The following SRRM3 variants were observed in gnomAD, a reference collection of about 807,000 sequenced individuals.
SRRM3 encodes serine/arginine repetitive matrix 3, also known as serine/arginine repetitive matrix protein 3.
A neutral mutation model predicts 66.2 loss-of-function variants in SRRM3; 27 were observed. That is an observed-to-expected ratio of 0.41 (90% CI 0.30 to 0.56). SRRM3 has a LOEUF of 0.56. Ranked by LOEUF, SRRM3 falls within the 20% of genes least tolerant of loss-of-function variation. The probability of loss-of-function intolerance (pLI) is 0.32; values close to 1 mark genes in which losing one functional copy is unlikely to be tolerated. For missense variants in SRRM3, 918 were observed against 991.9 expected, an observed-to-expected ratio of 0.93 and a Z score of 1.00; for synonymous variants, 391 against 414.9, an observed-to-expected ratio of 0.94 and a Z score of 0.70.
rs782067233 is a variant in SRRM3, at chr7:76,283,121, G to A, written c.1733+20G>A. The A allele has an allele frequency of 6.4e-6, 9 of 1,407,814 alleles. No homozygotes were observed. The highest frequency in any genetic ancestry group is 8.3e-6 in the Non-Finnish European group (9 of 1,084,516). The allele number at this position is 1,407,814 out of a possible 1,614,324, so 87.2% of individuals were successfully genotyped here. The stretch of plus-strand genomic sequence containing the variant: ...CACCAGGTATGGAGGGTCTTGGGGG[G>A]GCCGGTGGCGCAGGGCTGGGGCCGC... On this transcript the variant is annotated intron_variant, in intron 14 of 14. Coordinates refer to ENST00000611745, the MANE Select transcript of SRRM3 (RefSeq NM_001110199.3).
chr7:76,225,942 G>C (rs1800854604), intron 1 of SRRM3, among the ~76,000 whole-genome samples: 1 of 152,122 alleles, frequency 6.6e-6, no homozygotes. Context: ...TCACTCTCCT[G>C]TCTCCCTCTC....
chr7:76,217,190 G>A (rs187576310), intron 1 of SRRM3, among the ~76,000 whole-genome samples: 20 of 152,302 alleles, frequency 1.3e-4, no homozygotes, highest in Admixed American at 1.3e-3. Context: ...GGGACTCAGA[G>A]CCCAGCTCCC....
chr7:76,236,005 CAAAAAA>C (rs1161706465), intron 2 of SRRM3, among the ~76,000 whole-genome samples: 40 of 20,268 alleles, frequency 2.0e-3, no homozygotes, highest in African/African-American at 5.6e-3. Flanking sequence ...GATTCTGTCT[CAAAAAA>C]AAAAAAAAAA....
chr7:76,211,816 C>T (rs1041132653), intron 1 of SRRM3, among the ~76,000 whole-genome samples: 66 of 140,648 alleles, frequency 4.7e-4, no homozygotes, highest in Middle Eastern at 7.2e-3. Context: ...ACTATTACTA[C>T]TATTATTATT....
In SRRM3 at chr7:76,255,054, T is replaced by C. The variant is rs1801674311; in HGVS notation, c.336-4852T>C. ...TTGGGAATCGGGACTTGTTTGGGAA[T>C]TGAATGAAGTTCTTGAGAATGGCCT... is the stretch of plus-strand genomic sequence containing the variant. On this transcript the variant is annotated intron_variant, in intron 3 of 14. Transcript: ENST00000611745. Among the ~76,000 whole-genome samples, 3 of 152,076 alleles carry C rather than the reference T, an allele frequency of 2.0e-5. 1 individual carries two copies. The highest frequency in any genetic ancestry group is 4.1e-4 in the South Asian group (2 of 4,828).
rs1243393227 is a variant in SRRM3 at position 76,263,875 on chromosome 7, G to GCCAAAAAAAAAAAAA, written c.675-890_675-889insCCAAAAAAAAAAAAA. On this transcript the variant is annotated intron_variant, in intron 8 of 14. Transcript: ENST00000611745. ...GCAACAGAGCGGGACTCTGTCTCAA[G>GCCAAAAAAAAAAAAA]ACAAAAAAAAAAAAAAAAAAAAAAA... Among the ~76,000 whole-genome samples, 49 of 26,752 alleles carry GCCAAAAAAAAAAAAA rather than the reference G, an allele frequency of 1.8e-3. 5 individuals carry two copies. The highest frequency in any genetic ancestry group is 2.3e-3 in the Non-Finnish European group (34 of 14,530). 17.6% of individuals were successfully genotyped at this position (26,752 alleles called of 152,430 possible).
At chr7:76,244,068 C>T (rs1801376257) in intron 2 of SRRM3, among the ~76,000 whole-genome samples, 1 of 152,158 alleles carries the variant, frequency 6.6e-6, no homozygotes, top group Non-Finnish European at 1.5e-5. Flanking sequence ...AGGTTGGTGG[C>T]AGCAGTGCAG....
At chr7:76,249,438 G>A (rs1801519843) in intron 3 of SRRM3, among the ~76,000 whole-genome samples, 1 of 152,162 alleles carries the variant, frequency 6.6e-6, no homozygotes, top group South Asian at 2.1e-4. Flanking sequence ...GCCTGTCACA[G>A]GATAGGAGGC....
At chr7:76,254,607 C>T (rs1333080307) in intron 3 of SRRM3, among the ~76,000 whole-genome samples, 4 of 152,174 alleles carry the variant, frequency 2.6e-5, no homozygotes, top group African/African-American at 7.2e-5. Flanking sequence ...CACGAGCCAC[C>T]GCACCCAGCC....
intron 11 of SRRM3, among the ~76,000 whole-genome samples, chr7:76,278,003 A>C (rs1453334131): frequency 6.6e-6 from 1 of 152,234 alleles, no homozygotes; most frequent in Non-Finnish European, 1.5e-5. Context: ...CCCAGGGTAT[A>C]GGACAGAAAC....
rs1554612229 is a variant in SRRM3, at chr7:76,283,016, G to A, written c.1648G>A (p.Ala550Thr). The A allele has an allele frequency of 6.8e-7, 1 of 1,471,806 alleles. No homozygotes were observed. 91.2% of individuals were successfully genotyped at this position (1,471,806 alleles called of 1,614,324 possible). Residue 550 changes from alanine to threonine, a missense_variant, in exon 14 of 15, where the codon GCC becomes ACC. Physicochemically the swap from Ala to Thr is moderately conservative, Grantham distance 58 (BLOSUM62 0). Coordinates refer to ENST00000611745, the MANE Select transcript of SRRM3 (RefSeq NM_001110199.3). ...GCACTCTGAGGCCGAGGCCACCCGC[G>A]CCCGGCGCCGCTCCCGCAGCTACTC... Reference protein sequence around the residue: ...ARHSEAEATRARRRSRSYSPI... With the variant: ...ARHSEAEATRTRRRSRSYSPI...
chr7:76,274,042 G>A (rs1802276503), intron 11 of SRRM3, among the ~76,000 whole-genome samples: 1 of 152,244 alleles, frequency 6.6e-6, no homozygotes, highest in South Asian at 2.1e-4. Context: ...TCTGTTGTCT[G>A]GAGTAGCTGC....
chr7:76,283,217 A>AG (rs1802575821), intron 14 of SRRM3, 116 bp downstream of exon 14: 12 of 620,210 alleles, frequency 1.9e-5, no homozygotes, highest in South Asian at 8.8e-5. Flanking sequence ...TGGCACGGGG[A>AG]TGGGGGGGGG....
In SRRM3 at chr7:76,260,855, T is replaced by G; in HGVS notation, c.546-19T>G. 1 of 1,556,718 alleles carries G rather than the reference T, an allele frequency of 6.4e-7. No homozygotes were observed. Among genetic ancestry groups the G allele is most frequent in the Non-Finnish European group, 8.7e-7 (1 of 1,149,636 alleles). ...CCCCATCCATCCGTCTGTCCTTTCTTCCTGGCATCTGCCCTCAGCAAAAAG... is the reference window on the plus strand; with the variant it reads ...CCCCATCCATCCGTCTGTCCTTTCTGCCTGGCATCTGCCCTCAGCAAAAAG... On this transcript the variant is annotated intron_variant, in intron 5 of 14. Transcript: ENST00000611745.
intron 1 of SRRM3, among the ~76,000 whole-genome samples, chr7:76,231,862 A>C (rs1801024209): frequency 6.6e-6 from 1 of 152,186 alleles, no homozygotes; most frequent in African/African-American, 2.4e-5. Flanking sequence ...GAAGTTCCCT[A>C]GGTGAAGAAA....
At chr7:76,242,692 G>A (rs1038286242) in intron 2 of SRRM3, among the ~76,000 whole-genome samples, 1 of 152,112 alleles carries the variant, frequency 6.6e-6, no homozygotes, top group African/African-American at 2.4e-5. Context: ...AGTCCCATCT[G>A]GGGTGATGGG....
At chr7:76,260,671 G>A (rs1402054736) in intron 5 of SRRM3, among the ~76,000 whole-genome samples, 2 of 151,674 alleles carry the variant, frequency 1.3e-5, no homozygotes, top group African/African-American at 4.8e-5. Flanking sequence ...ACCAGCACCT[G>A]CTCCCAGTCC....
intron 3 of SRRM3, among the ~76,000 whole-genome samples, chr7:76,257,748 C>T (rs1407297286): frequency 2.0e-5 from 3 of 151,624 alleles, no homozygotes; most frequent in Admixed American, 1.3e-4. Flanking sequence ...ACTCCAGCCT[C>T]GCGACAGGGT....
chr7:76,265,433 C>T lies in SRRM3; in HGVS notation c.795C>T (p.Leu265=), dbSNP rs1801985017. The change falls in exon 10 of 15, where the codon CTC becomes CTT. Residue 265 remains leucine, a synonymous_variant. Coordinates refer to ENST00000611745, the MANE Select transcript of SRRM3 (RefSeq NM_001110199.3). The part of the protein sequence containing the change: ...HSSGSSHSPS[L]SSHYSDSRSP... ...GTGGCAGCTCCCACAGCCCCTCCCTCTCCTCCCACTACAGTGATTCCAGAT... is the reference window on the plus strand; with the variant it reads ...GTGGCAGCTCCCACAGCCCCTCCCTTTCCTCCCACTACAGTGATTCCAGAT... 6.2e-7 allele frequency: 1 copy of T among 1,606,242 alleles called. No individual in the cohort carries two copies. The highest frequency in any genetic ancestry group is 8.5e-7 in the Non-Finnish European group (1 of 1,176,652).
Sources: allele counts gnomAD v4.1 joint callset (sites outside exome capture counted in the v4.1 genomes callset), GRCh38; gene constraint gnomAD v4.1.1; transcripts MANE v1.5; gene names NCBI Gene and HGNC (gene_info 2026-07-23, HGNC 2026-07-21).